CFAP52: variants seen among roughly 807,000 people sequenced by gnomAD.
The protein encoded by CFAP52 is cilia- and flagella-associated protein 52.
CFAP52 carries 57 observed loss-of-function variants against 70.5 expected under a neutral mutation model. The observed-to-expected ratio is 0.81, with a 90% CI of 0.65 to 1.01. CFAP52 has a LOEUF of 1.01. Among genes scored for constraint, CFAP52 ranks in the 50% least tolerant of loss-of-function variants. The pLI is 0.00. For synonymous variants in CFAP52, 267 were observed against 292.5 expected (o/e 0.91, Z 0.89); for missense variants, 785 against 788.5 (o/e 1.00, Z 0.05).
chr17:9,594,816 A>G (rs1260792914), intron 4 of CFAP52, among the ~76,000 whole-genome samples: 1 of 152,022 alleles, frequency 6.6e-6, no homozygotes, highest in African/African-American at 2.4e-5. Context: ...AGAGGCCAGT[A>G]TCTGCCTAAG....
intron 8 of CFAP52, among the ~76,000 whole-genome samples, chr17:9,615,790 A>G (rs866767286): frequency 7.9e-5 from 10 of 127,034 alleles, no homozygotes; most frequent in African/African-American, 3.0e-4. Context: ...AACAAAAAAA[A>G]AATTCTTTTT....
chr17:9,591,307 A>G (rs535405638), intron 3 of CFAP52, among the ~76,000 whole-genome samples: 2 of 152,112 alleles, frequency 1.3e-5, no homozygotes, highest in South Asian at 4.2e-4. Context: ...CAAAGTGCTG[A>G]GATTATAGGC....
chr17:9,584,461 T>A, intron 1 of CFAP52: 1 of 974,396 alleles, frequency 1.0e-6, no homozygotes, highest in Non-Finnish European at 1.4e-6. Flanking sequence ...TGTATCAATT[T>A]AAAGTGTATA....
At chr17:9,586,183 A>G (rs978200930) in intron 2 of CFAP52, among the ~76,000 whole-genome samples, 3 of 152,098 alleles carry the variant, frequency 2.0e-5, no homozygotes, top group African/African-American at 7.2e-5. Context: ...CTTGTGACTG[A>G]TAATGCTCAC....
intron 12 of CFAP52, among the ~76,000 whole-genome samples, chr17:9,640,289 C>G (rs113352875): frequency 0.013 from 1,809 of 139,764 alleles, 43 homozygotes; most frequent in African/African-American, 0.046. Context: ...CAGGTTTGTT[C>G]CATAGGTAAA....
At chr17:9,614,382 C>T (rs1161158931) in intron 8 of CFAP52, among the ~76,000 whole-genome samples, 1 of 152,048 alleles carries the variant, frequency 6.6e-6, no homozygotes, top group Admixed American at 6.6e-5. Flanking sequence ...TCGCGAGCTC[C>T]CAACCTCAGG....
intron 8 of CFAP52, among the ~76,000 whole-genome samples, chr17:9,613,887 C>T (rs932799809): frequency 4.8e-5 from 5 of 103,734 alleles, no homozygotes; most frequent in Non-Finnish European, 9.4e-5. Context: ...TAGGTCTTTC[C>T]ACGTTATTTC....
At chr17:9,637,871 C>T (rs1042417237) in intron 11 of CFAP52, among the ~76,000 whole-genome samples, 3 of 152,216 alleles carry the variant, frequency 2.0e-5, no homozygotes, top group African/African-American at 7.2e-5. Context: ...CTGCTGCACT[C>T]GGCCCATAAT....
intron 4 of CFAP52, among the ~76,000 whole-genome samples, chr17:9,595,502 C>CT (rs1196712749): frequency 6.6e-6 from 1 of 152,114 alleles, no homozygotes; most frequent in Non-Finnish European, 1.5e-5. Flanking sequence ...CACTCTTCAA[C>CT]TTTTTTCAGA....
At chr17:9,608,874 G>A (rs1011743145) in intron 7 of CFAP52, among the ~76,000 whole-genome samples, 11 of 152,154 alleles carry the variant, frequency 7.2e-5, no homozygotes, top group African/African-American at 9.7e-5. Flanking sequence ...TTACAGACTC[G>A]TTTGGGGCTA....
chr17:9,639,312 T>C (rs955764984), intron 12 of CFAP52, among the ~76,000 whole-genome samples: 2 of 151,838 alleles, frequency 1.3e-5, no homozygotes, highest in African/African-American at 4.8e-5. Context: ...GTGCCTGTAA[T>C]CTCAGCTACT....
downstream of CFAP52, chr17:9,644,575 G>C (rs978054742): frequency 2.0e-5 from 3 of 147,328 alleles, no homozygotes; most frequent in African/African-American, 7.9e-5. Context: ...ACAGTTGCAT[G>C]GGATAAAGTG....
intron 6 of CFAP52, among the ~76,000 whole-genome samples, chr17:9,603,297 C>T (rs1446397021): frequency 6.6e-6 from 1 of 152,218 alleles, no homozygotes; most frequent in Non-Finnish European, 1.5e-5. Flanking sequence ...CAAGCTCTGC[C>T]TCCAGAGTTT....
chr17:9,636,179 A>AAAAGAAAGAAAGAAAGAAAGAAAGAAAG (rs60584008), intron 11 of CFAP52, among the ~76,000 whole-genome samples: 6 of 99,120 alleles, frequency 6.1e-5, no homozygotes, highest in Non-Finnish European at 1.1e-4. Context: ...TGTCTCAAAA[A>AAAAGAAAGAAAGAAAGAAAGAAAGAAAG]AAAGAAAGAA....
At chr17:9,607,320 T>C (rs532061345) in intron 6 of CFAP52, among the ~76,000 whole-genome samples, 1 of 152,348 alleles carries the variant, frequency 6.6e-6, no homozygotes, top group Non-Finnish European at 1.5e-5. Flanking sequence ...CACTCCAGTC[T>C]GAGTGACAGA....
At chr17:9,587,212 T>C (rs1597764985) in intron 3 of CFAP52, among the ~76,000 whole-genome samples, 1 of 152,248 alleles carries the variant, frequency 6.6e-6, no homozygotes, top group Non-Finnish European at 1.5e-5. Context: ...TTCTTTTTTA[T>C]GGCTGCGTAG....
At chr17:9,578,574 A>G (rs886897557) in intron 1 of CFAP52, among the ~76,000 whole-genome samples, 18 of 152,190 alleles carry the variant, frequency 1.2e-4, no homozygotes, top group African/African-American at 3.9e-4. Flanking sequence ...ATTTATTTTG[A>G]GACGGTGGAG....
chr17:9,597,255 C>T (rs942198360), intron 4 of CFAP52, among the ~76,000 whole-genome samples: 1 of 152,134 alleles, frequency 6.6e-6, no homozygotes, highest in African/African-American at 2.4e-5. Context: ...CCATTGCGTA[C>T]ATATACCACA....
At chr17:9,586,504 C>T (rs1383552328) in intron 2 of CFAP52, among the ~76,000 whole-genome samples, 194 bp from the exon 3 acceptor site, 2 of 147,836 alleles carry the variant, frequency 1.4e-5, no homozygotes, top group African/African-American at 5.0e-5. Context: ...GTGGATGTTG[C>T]AGTGAGCAGA....
Sources: gnomAD v4.1 joint callset for allele counts (sites outside exome capture counted in the v4.1 genomes callset) on GRCh38, gnomAD v4.1.1 for gene constraint, MANE v1.5 for transcripts, NCBI Gene and HGNC (gene_info 2026-07-23, HGNC 2026-07-21) for gene names.